The following RNF130 variants were observed in gnomAD, a reference collection of about 807,000 sequenced individuals.
RNF130 encodes ring finger protein 130.
RNF130 carries 21 observed loss-of-function variants against 44.6 expected under a neutral mutation model. The observed-to-expected ratio is 0.47, with a 90% CI of 0.33 to 0.68. The LOEUF is 0.68. Ranked by LOEUF, RNF130 falls within the 30% of genes least tolerant of loss-of-function variation. The probability of loss-of-function intolerance (pLI) is 0.02; values close to 1 mark genes in which losing one functional copy is unlikely to be tolerated. For missense variants in RNF130, 479 were observed against 560.6 expected, an observed-to-expected ratio of 0.85 and a Z score of 1.47; for synonymous variants, 214 against 210.4, an observed-to-expected ratio of 1.02 and a Z score of -0.15.
chr5:179,947,300 C>G (rs1483720533), intron 7 of RNF130, among the ~76,000 whole-genome samples: 1 of 152,194 alleles, frequency 6.6e-6, no homozygotes, highest in Non-Finnish European at 1.5e-5. Flanking sequence ...CTGCTGCCCA[C>G]AGTAAAGTCC....
At chr5:179,934,287 G>A in intron 7 of RNF130, 1 of 155,146 alleles carries the variant, frequency 6.4e-6, no homozygotes, top group Admixed American at 6.4e-5. Flanking sequence ...ATTGTGAAAT[G>A]CATCTCCAGA....
intron 2 of RNF130, among the ~76,000 whole-genome samples, chr5:180,023,908 G>A (rs1047922083): frequency 2.0e-5 from 3 of 152,204 alleles, no homozygotes; most frequent in Admixed American, 2.0e-4. Context: ...TGGAGAACCT[G>A]ACAGACACTA....
At chr5:179,921,478 C>T (rs982923191) in intron 7 of RNF130, among the ~76,000 whole-genome samples, 2 of 152,208 alleles carry the variant, frequency 1.3e-5, no homozygotes, top group Non-Finnish European at 1.5e-5. Context: ...AAAAACTGAA[C>T]TTTTTCAGAA....
At chr5:180,024,842 C>T (rs997715400) in intron 2 of RNF130, among the ~76,000 whole-genome samples, 5 of 152,104 alleles carry the variant, frequency 3.3e-5, no homozygotes, top group East Asian at 1.9e-4. Flanking sequence ...TTCCTCTAAA[C>T]GCTCCTCAAA....
At chr5:180,045,688 AT>A (rs1764548373) in intron 1 of RNF130, among the ~76,000 whole-genome samples, 1 of 152,132 alleles carries the variant, frequency 6.6e-6, no homozygotes, top group Non-Finnish European at 1.5e-5. Flanking sequence ...CAGAGTGCTG[AT>A]TGGTGCATTT....
chr5:179,928,659 C>T (rs1372525689), intron 7 of RNF130, among the ~76,000 whole-genome samples: 12 of 148,632 alleles, frequency 8.1e-5, no homozygotes, highest in African/African-American at 2.7e-4. Context: ...GACGGAGTCT[C>T]GCTCTATCAC....
chr5:179,950,315 C>T (rs956902790), downstream of RNF130, among the ~76,000 whole-genome samples: 9 of 151,932 alleles, frequency 5.9e-5, no homozygotes, highest in East Asian at 1.5e-3. Context: ...TGGGGTTTTG[C>T]CATGTTGGTC....
chr5:179,973,330 T>C lies in RNF130; in HGVS notation c.849-2824A>G, dbSNP rs139319900. On this transcript the variant is annotated intron_variant, in intron 5 of 8. Coordinates refer to ENST00000521389, the MANE Select transcript of RNF130 (RefSeq NM_018434.6). Reference sequence around the variant, plus strand: ...GGCAGCTGCCCTGAACACGGCACCTTTTTCTCCTCATCACCCATTGTCTAA... The same window carrying C: ...GGCAGCTGCCCTGAACACGGCACCTCTTTCTCCTCATCACCCATTGTCTAA... Among the ~76,000 whole-genome samples, 492 of 152,222 alleles carry C rather than the reference T, an allele frequency of 3.2e-3. 2 individuals carry two copies. The highest frequency in any genetic ancestry group is 0.011 in the African/African-American group (468 of 41,538).
chr5:179,964,969 T>C (rs1762409023), intron 7 of RNF130, among the ~76,000 whole-genome samples: 1 of 152,236 alleles, frequency 6.6e-6, no homozygotes, highest in Admixed American at 6.5e-5. Flanking sequence ...GTATATGGCA[T>C]TTATAAAAAT....
chr5:180,066,562 C>G (rs1177775193), intron 1 of RNF130, among the ~76,000 whole-genome samples: 1 of 152,122 alleles, frequency 6.6e-6, no homozygotes, highest in Non-Finnish European at 1.5e-5. Context: ...GGCAATACAG[C>G]GAGACCCTGT....
At chr5:179,938,349 C>T (rs1475899412) in intron 7 of RNF130, among the ~76,000 whole-genome samples, 1 of 151,720 alleles carries the variant, frequency 6.6e-6, no homozygotes, top group Non-Finnish European at 1.5e-5. Context: ...TATGAAGCAC[C>T]AGAACAGGTA....
rs1165798379 is a variant in RNF130 at position 180,051,199 on chromosome 5, C to A, written c.248-10552G>T. ...ACCAATTGTAAATAAAAAGGTGATA[C>A]ATTCTTACAACAAATTATCACCTTT... On this transcript the variant is annotated intron_variant, in intron 1 of 8. Coordinates refer to ENST00000521389, the MANE Select transcript of RNF130 (RefSeq NM_018434.6). 4.6e-5 allele frequency among the ~76,000 whole-genome samples: 7 copies of A among 151,606 alleles called. No homozygotes were observed. In the South Asian group the frequency reaches 1.0e-3, roughly 23 times the overall value.
At chr5:180,048,920 G>A (rs1764629514) in intron 1 of RNF130, among the ~76,000 whole-genome samples, 1 of 152,148 alleles carries the variant, frequency 6.6e-6, no homozygotes, top group African/African-American at 2.4e-5. Flanking sequence ...CTCACCCTAG[G>A]TCATTTATCC....
At chr5:179,939,855 C>A in intron 7 of RNF130, 1 of 377,694 alleles carries the variant, frequency 2.6e-6, no homozygotes, top group South Asian at 2.4e-5. Context: ...TCCCTGAAGA[C>A]ATCATCTGAG....
chr5:179,950,036 G>A (rs543724385), intron 7 of RNF130, among the ~76,000 whole-genome samples: 2 of 152,290 alleles, frequency 1.3e-5, no homozygotes, highest in East Asian at 1.9e-4. Context: ...CTCTGTGCTT[G>A]AGCAAACTCT....
In RNF130 at chr5:179,955,724, A is replaced by C. The variant is rs566792978; in HGVS notation, c.1245-55T>G. The C allele has an allele frequency of 8.8e-5, 127 of 1,442,410 alleles. 2 individuals carry two copies. The South Asian group carries it at 1.6e-3, about 18-fold the overall frequency. 89.4% of individuals were successfully genotyped at this position (1,442,410 alleles called of 1,614,324 possible). Reference sequence around the variant, plus strand: ...AAATTAAAGAGTAGTCAAATGTTTAAAATAACAGAGAAGTGACCCTAACTG... The same window carrying C: ...AAATTAAAGAGTAGTCAAATGTTTACAATAACAGAGAAGTGACCCTAACTG... On this transcript the variant is annotated intron_variant, in intron 8 of 8. Coordinates refer to ENST00000521389, the MANE Select transcript of RNF130 (RefSeq NM_018434.6).
intron 3 of RNF130, among the ~76,000 whole-genome samples, chr5:180,008,286 CCA>C (rs1390322147): frequency 6.6e-6 from 1 of 151,992 alleles, no homozygotes; most frequent in African/African-American, 2.4e-5. Flanking sequence ...TCATTCTACT[CCA>C]GCCAGGCGCC....
chr5:179,971,148 T>C (rs138485086), intron 5 of RNF130, among the ~76,000 whole-genome samples: 167 of 152,262 alleles, frequency 1.1e-3, no homozygotes, highest in Non-Finnish European at 2.0e-3. Flanking sequence ...GTCTTGTGAC[T>C]GGAAATAAGT....
intron 2 of RNF130, among the ~76,000 whole-genome samples, chr5:180,039,758 T>C (rs1582211561): frequency 6.6e-6 from 1 of 152,238 alleles, no homozygotes. Flanking sequence ...GGATTTCAAC[T>C]TAAGGAGACA....
Sources: gnomAD v4.1 joint callset for allele counts (sites outside exome capture counted in the v4.1 genomes callset) on GRCh38, gnomAD v4.1.1 for gene constraint, MANE v1.5 for transcripts, NCBI Gene and HGNC (gene_info 2026-07-23, HGNC 2026-07-21) for gene names.